Variants in FRMPD4 observed in about 807,000 individuals in gnomAD.
FRMPD4 encodes the protein FERM and PDZ domain containing 4.
FRMPD4 carries 22 observed loss-of-function variants against 94.1 expected under a neutral mutation model. The ratio of observed to expected loss-of-function variants is 0.23; its 90% CI spans 0.17 to 0.33. FRMPD4 has a LOEUF of 0.33. Among genes scored for constraint, FRMPD4 ranks in the 10% least tolerant of loss-of-function variants. FRMPD4 has a pLI of 1.00. For synonymous variants in FRMPD4, 631 were observed against 548.6 expected (o/e 1.15, Z -2.10); for missense variants, 1,111 against 1,339.9 (o/e 0.83, Z 2.67).
At chrX:12,245,218 AGT>A (rs757082617) in intron 1 of FRMPD4, among the ~76,000 whole-genome samples, 16 of 111,933 alleles carry the variant, frequency 1.4e-4, no homozygotes, top group Non-Finnish European at 2.6e-4. Flanking sequence ...AGAGAGAGGT[AGT>A]TGCCTGGTTG....
At chrX:12,518,739 A>T (rs2058129226) in intron 2 of FRMPD4, among the ~76,000 whole-genome samples, 1 of 111,367 alleles carries the variant, frequency 9.0e-6, no homozygotes, top group African/African-American at 3.3e-5. Context: ...AAAACATCCA[A>T]ATTGGAAAGG....
chrX:12,272,097 A>C (rs766222453), intron 1 of FRMPD4, among the ~76,000 whole-genome samples: 1 of 112,283 alleles, frequency 8.9e-6, no homozygotes, highest in Non-Finnish European at 1.9e-5. Context: ...TCTCATCTGT[A>C]AAATGGGGAA....
intron 1 of FRMPD4, among the ~76,000 whole-genome samples, chrX:12,439,752 G>C (rs2057113877): frequency 8.9e-6 from 1 of 112,134 alleles, no homozygotes; most frequent in African/African-American, 3.2e-5. Flanking sequence ...CAGATGTGAT[G>C]TTTCCATTGT....
chrX:12,650,268 C>G (rs1232824166), intron 4 of FRMPD4, among the ~76,000 whole-genome samples: 1 of 111,986 alleles, frequency 8.9e-6, no homozygotes. Flanking sequence ...TGCAAACAGA[C>G]AGCAGGAGAG....
intron 5 of FRMPD4, among the ~76,000 whole-genome samples, chrX:12,682,536 C>T (rs1293112237): frequency 8.9e-6 from 1 of 112,603 alleles, no homozygotes; most frequent in East Asian, 2.8e-4. Flanking sequence ...TATTAGGTTT[C>T]ATAGAGAATG....
chrX:12,568,953 T>G (rs1179749736), intron 2 of FRMPD4, among the ~76,000 whole-genome samples: 3 of 111,969 alleles, frequency 2.7e-5, no homozygotes, highest in African/African-American at 9.7e-5. Context: ...GTAGGACTGT[T>G]AAGAGGTGAT....
intron 1 of FRMPD4, among the ~76,000 whole-genome samples, chrX:12,192,746 G>GC (rs1427237416): frequency 9.0e-6 from 1 of 111,389 alleles, no homozygotes; most frequent in African/African-American, 3.3e-5. Context: ...AAATTAGTGA[G>GC]CCCCACCCCA....
At chrX:12,043,513 T>C (rs774133913) in intron 3 of FRMPD4, among the ~76,000 whole-genome samples, 2 of 111,725 alleles carry the variant, frequency 1.8e-5, no homozygotes, top group South Asian at 3.8e-4. Flanking sequence ...CAGAATTTAA[T>C]TATGTTTTAA....
chrX:11,902,583 C>T lies in FRMPD4; in HGVS notation c.95+24565C>T, dbSNP rs781441523. ...ACTTCCCAAAGGCCCTACCTCCCCTCCTCCAAATTCTATCACATTGGGGGT... is the reference window on the plus strand; with the variant it reads ...ACTTCCCAAAGGCCCTACCTCCCCTTCTCCAAATTCTATCACATTGGGGGT... On this transcript the variant is annotated intron_variant, in intron 3 of 18. Transcript: ENST00000640291. Among the ~76,000 whole-genome samples, 20 of 111,717 alleles carry T rather than the reference C, an allele frequency of 1.8e-4. 1 individual carries two copies. In the South Asian group the frequency reaches 7.7e-3, roughly 43 times the overall value.
At chrX:12,567,909 A>T (rs994866455) in intron 2 of FRMPD4, among the ~76,000 whole-genome samples, 1 of 112,025 alleles carries the variant, frequency 8.9e-6, no homozygotes, top group South Asian at 3.7e-4. Context: ...GGTTTTGGTA[A>T]CATCTGCATT....
intron 3 of FRMPD4, among the ~76,000 whole-genome samples, chrX:12,029,126 CG>C (rs755063212): frequency 1.8e-5 from 2 of 112,284 alleles, no homozygotes; most frequent in Non-Finnish European, 3.8e-5. Flanking sequence ...TGTTGCTACA[CG>C]ACCTTGCTAA....
intron 4 of FRMPD4, among the ~76,000 whole-genome samples, chrX:12,624,354 G>A (rs1244926593): frequency 1.8e-5 from 2 of 112,186 alleles, no homozygotes; most frequent in African/African-American, 6.5e-5. Flanking sequence ...AACATGTAAA[G>A]TATTACATCA....
At chrX:12,023,114 A>G (rs897914543) in intron 3 of FRMPD4, among the ~76,000 whole-genome samples, 1 of 111,534 alleles carries the variant, frequency 9.0e-6, no homozygotes, top group Non-Finnish European at 1.9e-5. Flanking sequence ...GTGCCCTTAC[A>G]AAAGAGAACC....
At chrX:11,876,316 T>C (rs1173054599) in intron 2 of FRMPD4, among the ~76,000 whole-genome samples, 1 of 110,847 alleles carries the variant, frequency 9.0e-6, no homozygotes, top group Non-Finnish European at 1.9e-5. Flanking sequence ...TTAAGTAGAC[T>C]GTTGTTCGTG....
chrX:12,193,783 G>GAAA (rs2056525125), intron 1 of FRMPD4, among the ~76,000 whole-genome samples: 2 of 23,596 alleles, frequency 8.5e-5, no homozygotes, highest in Non-Finnish European at 1.4e-4. Context: ...AGGAAGGAAG[G>GAAA]AAGGAAGGAA....
chrX:12,454,065 A>G (rs1008042304), intron 1 of FRMPD4, among the ~76,000 whole-genome samples: 4 of 112,376 alleles, frequency 3.6e-5, no homozygotes, highest in African/African-American at 1.3e-4. Flanking sequence ...AGTTTTTTAA[A>G]AAGGCAGAAG....
At chrX:12,203,005 G>A (rs1031071759) in intron 1 of FRMPD4, among the ~76,000 whole-genome samples, 1 of 111,987 alleles carries the variant, frequency 8.9e-6, no homozygotes, top group South Asian at 3.7e-4. Flanking sequence ...CTTCCATACT[G>A]TGAGAGAATA....
At chrX:12,178,759 G>A (rs1163030120) in intron 1 of FRMPD4, among the ~76,000 whole-genome samples, 2 of 111,492 alleles carry the variant, frequency 1.8e-5, no homozygotes, top group African/African-American at 6.5e-5. Context: ...CATTTGCAAG[G>A]GCAACTCCTG....
At chrX:11,895,936 A>G (rs745782738) in intron 3 of FRMPD4, among the ~76,000 whole-genome samples, 28 of 112,638 alleles carry the variant, frequency 2.5e-4, no homozygotes, top group African/African-American at 8.4e-4. Flanking sequence ...TCTGTTTCCC[A>G]GTATTTTTTA....
Sources: gnomAD v4.1 joint callset for allele counts (sites outside exome capture counted in the v4.1 genomes callset) on GRCh38, gnomAD v4.1.1 for gene constraint, MANE v1.5 for transcripts, NCBI Gene and HGNC (gene_info 2026-07-23, HGNC 2026-07-21) for gene names.